Variants in FHIP1A observed in about 807,000 individuals in gnomAD.
FHIP1A encodes FHF complex subunit HOOK interacting protein 1A, also known as FHF complex subunit HOOK-interacting protein 1A.
In FHIP1A, 61 loss-of-function variants were observed where a neutral mutation model predicts 88.6. The ratio of observed to expected loss-of-function variants is 0.69; its 90% confidence interval spans 0.56 to 0.85. FHIP1A has a LOEUF of 0.85. Ranked by LOEUF, FHIP1A falls within the 40% of genes least tolerant of loss-of-function variation. The pLI, the probability that FHIP1A is intolerant of heterozygous loss-of-function variation, is 0.00. For missense variants in FHIP1A, 1,154 were observed against 1,273.5 expected (o/e 0.91, Z 1.43); for synonymous variants, 478 against 496.0 (o/e 0.96, Z 0.48).
chr4:151,638,526 C>T (rs1736449418), intron 8 of FHIP1A, 151 bp from the exon 9 acceptor site: 1 of 531,380 alleles, frequency 1.9e-6, no homozygotes, highest in Admixed American at 3.5e-5. Context: ...CCTGAATACA[C>T]ATTCTCCCTG....
intron 3 of FHIP1A, among the ~76,000 whole-genome samples, chr4:151,545,369 CTTTTTTTTTT>C (rs569126288): frequency 2.4e-5 from 2 of 81,652 alleles, no homozygotes; most frequent in Non-Finnish European, 4.6e-5. Flanking sequence ...CCTTATCCTT[CTTTTTTTTTT>C]TTTTTTTTTT....
chr4:151,412,621 TCCC>T (rs1344572453), intron 1 of FHIP1A, among the ~76,000 whole-genome samples: 4 of 104,872 alleles, frequency 3.8e-5, no homozygotes, highest in African/African-American at 1.4e-4. Context: ...CCTCCCTCCC[TCCC>T]TCCCTCCCTC....
At chr4:151,587,076 A>G (rs978199759) in intron 6 of FHIP1A, among the ~76,000 whole-genome samples, 2 of 147,304 alleles carry the variant, frequency 1.4e-5, no homozygotes, top group Admixed American at 6.8e-5. Flanking sequence ...AATAAGTTCA[A>G]TGCCTGACTC....
intron 8 of FHIP1A, among the ~76,000 whole-genome samples, chr4:151,635,040 C>CA (rs1736298200): frequency 6.6e-6 from 1 of 151,686 alleles, no homozygotes; most frequent in South Asian, 2.1e-4. Context: ...TTCTGTAACT[C>CA]ACCACCAACC....
At chr4:151,431,345 A>G (rs1377925648) in intron 1 of FHIP1A, among the ~76,000 whole-genome samples, 1 of 152,184 alleles carries the variant, frequency 6.6e-6, no homozygotes, top group Non-Finnish European at 1.5e-5. Flanking sequence ...GATTTGAATA[A>G]TGTCAAATGC....
intron 7 of FHIP1A, among the ~76,000 whole-genome samples, chr4:151,613,432 T>A (rs1352971173): frequency 6.6e-6 from 1 of 152,214 alleles, no homozygotes; most frequent in Non-Finnish European, 1.5e-5. Flanking sequence ...GATAACTTGA[T>A]GACTGAATGG....
intron 7 of FHIP1A, among the ~76,000 whole-genome samples, chr4:151,613,594 A>G (rs866489948): frequency 6.6e-6 from 1 of 152,212 alleles, no homozygotes; most frequent in South Asian, 2.1e-4. Context: ...TACAAAAAAA[A>G]GCTTTTGTTA....
chr4:151,412,584 T>TTTCCTTCCCTCCTTCC (rs1732697700), intron 1 of FHIP1A, among the ~76,000 whole-genome samples: 1 of 115,162 alleles, frequency 8.7e-6, no homozygotes, highest in African/African-American at 3.7e-5. Context: ...CTTTCCTTTC[T>TTTCCTTCCCTCCTTCC]TTCCTTCCTT....
intron 3 of FHIP1A, among the ~76,000 whole-genome samples, chr4:151,560,947 A>T (rs1034481973): frequency 6.6e-6 from 1 of 152,124 alleles, no homozygotes; most frequent in East Asian, 1.9e-4. Context: ...TAAGTCCAAA[A>T]ACAAATTTCA....
At chr4:151,545,206 A>T (rs534021843) in intron 3 of FHIP1A, among the ~76,000 whole-genome samples, 2 of 152,300 alleles carry the variant, frequency 1.3e-5, no homozygotes, top group South Asian at 4.2e-4. Flanking sequence ...AATGAAAAGT[A>T]AATGCAATGA....
At chr4:151,450,667 GTCTTTAAGATTT>G (rs1561500544) in intron 1 of FHIP1A, among the ~76,000 whole-genome samples, 1 of 152,120 alleles carries the variant, frequency 6.6e-6, no homozygotes, top group Non-Finnish European at 1.5e-5. Context: ...TGCAACAAAT[GTCTTTAAGATTT>G]TTCTCTTTAC....
chr4:151,432,264 A>T (rs1733621198), intron 1 of FHIP1A, among the ~76,000 whole-genome samples: 1 of 152,246 alleles, frequency 6.6e-6, no homozygotes. Context: ...TAACTTTCGT[A>T]TAAGACAAGA....
intron 11 of FHIP1A, among the ~76,000 whole-genome samples, chr4:151,651,482 G>T (rs570163778): frequency 6.6e-6 from 1 of 152,214 alleles, no homozygotes; most frequent in South Asian, 2.1e-4. Context: ...GCAATGGAGG[G>T]TGACAGTGGC....
chr4:151,558,087 A>G lies in FHIP1A; in HGVS notation c.-122-8051A>G, dbSNP rs189729626. Among the ~76,000 whole-genome samples the G allele has an allele frequency of 3.9e-5, 6 of 152,344 alleles. No homozygotes were observed. The East Asian group carries it at 9.6e-4, about 24-fold the overall frequency. On this transcript the variant is annotated intron_variant, in intron 3 of 13. Transcript: ENST00000435205. ...ACAAAATGAAAGCTTCAAAGCAGTT[A>G]GATCTGCCATTAATGAGTGCAATAT...
In FHIP1A at chr4:151,512,736, A is replaced by G. The variant is rs1254852756; in HGVS notation, c.-123+30088A>G. Among the ~76,000 whole-genome samples, 5 of 152,262 alleles carry G rather than the reference A, an allele frequency of 3.3e-5. No homozygotes were observed. The East Asian group carries it at 7.7e-4, about 24-fold the overall frequency. On this transcript the variant is annotated intron_variant, in intron 3 of 13. Transcript: ENST00000435205. Reference sequence around the variant, plus strand: ...GATGAAATGAATGAAATGAAGTGAGAAGGGAAGTTTAGAGAAAAAAGAATA... The same window carrying G: ...GATGAAATGAATGAAATGAAGTGAGGAGGGAAGTTTAGAGAAAAAAGAATA...
In FHIP1A at chr4:151,528,425, A is replaced by G. The variant is rs559471770; in HGVS notation, c.-122-37713A>G. Among the ~76,000 whole-genome samples, 12 of 152,318 alleles carry G rather than the reference A, an allele frequency of 7.9e-5. No homozygotes were observed. In the South Asian group the frequency reaches 2.1e-3, roughly 26 times the overall value. On this transcript the variant is annotated intron_variant, in intron 3 of 13. Coordinates refer to ENST00000435205, the MANE Select transcript of FHIP1A (RefSeq NM_001109977.3). ...ATTGTCCGTTCTGTCGAAATATAGA[A>G]CTCATTTATTTAAACCAGAAAACAC...
intron 1 of FHIP1A, among the ~76,000 whole-genome samples, chr4:151,423,898 A>G (rs779378177): frequency 6.6e-6 from 1 of 152,216 alleles, no homozygotes; most frequent in Non-Finnish European, 1.5e-5. Flanking sequence ...AAACTCTTCA[A>G]GAACCATTAT....
At chr4:151,581,960 T>C (rs1466556292) in intron 5 of FHIP1A, among the ~76,000 whole-genome samples, 1 of 152,164 alleles carries the variant, frequency 6.6e-6, no homozygotes, top group Non-Finnish European at 1.5e-5. Flanking sequence ...GAAGATACTC[T>C]AGGGAACAAT....
intron 3 of FHIP1A, among the ~76,000 whole-genome samples, chr4:151,526,903 C>T (rs531126858): frequency 1.9e-4 from 28 of 147,060 alleles, no homozygotes; most frequent in Middle Eastern, 3.7e-3. Flanking sequence ...AGGGCAGAGG[C>T]GCTCCCCACA....
Sources: allele counts gnomAD v4.1 joint callset (sites outside exome capture counted in the v4.1 genomes callset), GRCh38; gene constraint gnomAD v4.1.1; transcripts MANE v1.5; gene names NCBI Gene and HGNC (gene_info 2026-07-23, HGNC 2026-07-21).